Variants in RANBP2 observed in about 807,000 individuals in gnomAD.
RANBP2 encodes RAN binding protein 2, also known as E3 SUMO-protein ligase RanBP2.
RANBP2 carries 57 observed loss-of-function variants against 303.6 expected under a neutral mutation model. That is an observed-to-expected ratio of 0.19 (90% confidence interval 0.15 to 0.23). The LOEUF (loss-of-function observed/expected upper bound fraction) is 0.23, where lower values mean the gene tolerates loss of function less well. Ranked by LOEUF, RANBP2 falls within the 10% of genes least tolerant of loss-of-function variation. The pLI is 1.00. For missense variants in RANBP2, 3,138 were observed against 3,780.8 expected (o/e 0.83, Z 4.46); for synonymous variants, 1,167 against 1,301.5 (o/e 0.90, Z 2.23).
the RANBP2 span, among the ~76,000 whole-genome samples, chr2:109,298,700 GT>G: frequency 6.6e-6 from 1 of 151,942 alleles, no homozygotes; most frequent in Non-Finnish European, 1.5e-5. Context: ...GTCCAGGTCC[GT>G]TTCCCCACAC....
chr2:108,802,597 T>C, the RANBP2 span, among the ~76,000 whole-genome samples: 1 of 141,938 alleles, frequency 7.0e-6, no homozygotes, highest in African/African-American at 2.7e-5. Flanking sequence ...TGACTTCCTC[T>C]TTTCCTAACT....
chr2:109,446,322 C>A, the RANBP2 span, among the ~76,000 whole-genome samples: 2 of 152,310 alleles, frequency 1.3e-5, no homozygotes, highest in East Asian at 3.9e-4. Flanking sequence ...TACAGAGCAC[C>A]TTCTACATGC....
Position 108,755,051 on chromosome 2 carries a change from C to T in RANBP2, c.2349C>T (p.Thr783=), listed in dbSNP as rs150213654. 5 of 1,611,886 alleles carry T rather than the reference C, an allele frequency of 3.1e-6. No homozygotes were observed. Among genetic ancestry groups the T allele is most frequent in the Admixed American group, 1.7e-5 (1 of 60,018 alleles). The change falls in exon 16 of 29, where the codon ACC becomes ACT. Residue 783 remains threonine (T), a synonymous_variant. Coordinates refer to ENST00000283195, the MANE Select transcript of RANBP2 (RefSeq NM_006267.5). ...TAAAACATTCTACACCGTCTCCTAC[C>T]AGATATTCACTATCACCAAGTAAAA... ...SEIKHSTPSP[T]RYSLSPSKSY...
At chr2:109,366,367 G>A in the RANBP2 span, among the ~76,000 whole-genome samples, 1 of 152,140 alleles carries the variant, frequency 6.6e-6, no homozygotes. Flanking sequence ...AGATCTATAT[G>A]TACTGTCACT....
At chr2:109,351,053 T>C in the RANBP2 span, among the ~76,000 whole-genome samples, 1 of 152,278 alleles carries the variant, frequency 6.6e-6, no homozygotes, top group Non-Finnish European at 1.5e-5. Flanking sequence ...TTCTGCTTTA[T>C]TTCAGAAGAG....
At chr2:109,032,501 G>A in the RANBP2 span, among the ~76,000 whole-genome samples, 1 of 152,152 alleles carries the variant, frequency 6.6e-6, no homozygotes, top group South Asian at 2.1e-4. Flanking sequence ...TTCAGCGGAT[G>A]CCCTGACTTT....
At chr2:108,787,055 C>T (rs917562467), downstream of RANBP2, 7 of 445,874 alleles carry the variant, frequency 1.6e-5, no homozygotes, top group Non-Finnish European at 2.6e-5. Context: ...CGGCTTGGGC[C>T]TCGTGGAAGC....
At chr2:109,360,703 C>G in the RANBP2 span, among the ~76,000 whole-genome samples, 4 of 152,174 alleles carry the variant, frequency 2.6e-5, no homozygotes, top group African/African-American at 9.7e-5. Flanking sequence ...AGTATTAGTT[C>G]TAGAAGTTCT....
the RANBP2 span, among the ~76,000 whole-genome samples, chr2:109,563,721 C>T: frequency 6.6e-6 from 1 of 152,294 alleles, no homozygotes; most frequent in African/African-American, 2.4e-5. Context: ...TCTCCAACTC[C>T]CTACAAGCAC....
At chr2:109,163,691 G>C in the RANBP2 span, among the ~76,000 whole-genome samples, 1 of 152,122 alleles carries the variant, frequency 6.6e-6, no homozygotes, top group Non-Finnish European at 1.5e-5. Context: ...GAGCCACCGC[G>C]CCTGGCCGCA....
At chr2:109,578,609 A>G in the RANBP2 span, among the ~76,000 whole-genome samples, 3 of 152,216 alleles carry the variant, frequency 2.0e-5, no homozygotes, top group South Asian at 6.2e-4. Flanking sequence ...TCTACTAAAA[A>G]TACAAAAATT....
the RANBP2 span, among the ~76,000 whole-genome samples, chr2:109,525,444 A>T: frequency 6.6e-6 from 1 of 152,188 alleles, no homozygotes; most frequent in South Asian, 2.1e-4. Context: ...GATTACAGGC[A>T]TGAGCCACCA....
the RANBP2 span, chr2:109,490,880 A>G: frequency 1.3e-6 from 2 of 1,532,274 alleles, no homozygotes; most frequent in Non-Finnish European, 1.7e-6. Flanking sequence ...CTTCCCGGCA[A>G]GCTCCGCTGT....
chr2:109,236,295 T>C, the RANBP2 span, among the ~76,000 whole-genome samples: 5 of 152,212 alleles, frequency 3.3e-5, no homozygotes, highest in African/African-American at 1.2e-4. Context: ...TGTTTCTGCA[T>C]GCAGTGTCGG....
the RANBP2 span, among the ~76,000 whole-genome samples, chr2:109,359,304 A>G: frequency 6.6e-6 from 1 of 152,252 alleles, no homozygotes; most frequent in African/African-American, 2.4e-5. Context: ...CAATATTCAC[A>G]AAAGAACTTG....
chr2:109,315,870 A>G, the RANBP2 span, among the ~76,000 whole-genome samples: 4 of 152,206 alleles, frequency 2.6e-5, no homozygotes, highest in Non-Finnish European at 5.9e-5. Context: ...CTAGGCATCA[A>G]AGCCACCAGT....
At chr2:109,267,065 A>G in the RANBP2 span, among the ~76,000 whole-genome samples, 1 of 152,194 alleles carries the variant, frequency 6.6e-6, no homozygotes. Context: ...ACTGAGATAC[A>G]TTATCAGTGA....
chr2:108,993,663 G>A, the RANBP2 span, among the ~76,000 whole-genome samples: 47 of 152,300 alleles, frequency 3.1e-4, no homozygotes, highest in African/African-American at 1.0e-3. Context: ...GTCAAAGGCA[G>A]AGGAAAGAGC....
chr2:109,593,228 C>T, the RANBP2 span: 1 of 667,720 alleles, frequency 1.5e-6, no homozygotes. Flanking sequence ...ATGTTGTTAT[C>T]ACCAAGTTTT....
Sources: allele counts gnomAD v4.1 joint callset (sites outside exome capture counted in the v4.1 genomes callset), GRCh38; gene constraint gnomAD v4.1.1; transcripts MANE v1.5; gene names NCBI Gene and HGNC (gene_info 2026-07-23, HGNC 2026-07-21).